Variants in GRIK2 observed in about 807,000 individuals in gnomAD.
The protein encoded by GRIK2 is glutamate ionotropic receptor kainate type subunit 2.
A neutral mutation model predicts 100.3 loss-of-function variants in GRIK2; 32 were observed. The observed-to-expected ratio is 0.32, with a 90% CI of 0.24 to 0.43. The LOEUF is 0.43. Among genes scored for constraint, GRIK2 ranks in the 20% least tolerant of loss-of-function variants. The pLI is 1.00. For missense variants in GRIK2, 843 were observed against 1,114.9 expected, an observed-to-expected ratio of 0.76 and a Z score of 3.47; for synonymous variants, 417 against 389.4, an observed-to-expected ratio of 1.07 and a Z score of -0.83.
At chr6:101,819,700 T>A (rs1405720233) in intron 10 of GRIK2, among the ~76,000 whole-genome samples, 1 of 152,202 alleles carries the variant, frequency 6.6e-6, no homozygotes, top group Non-Finnish European at 1.5e-5. Context: ...CATGCCACTA[T>A]GTTCTGGATC....
intron 14 of GRIK2, among the ~76,000 whole-genome samples, chr6:101,988,161 G>A (rs6936827): frequency 0.12 from 16,886 of 141,746 alleles, 2,777 homozygotes; most frequent in African/African-American, 0.37. Flanking sequence ...GCGCGTGCGC[G>A]CACATGCAAG....
intron 14 of GRIK2, among the ~76,000 whole-genome samples, chr6:101,948,629 A>G (rs1009717733): frequency 1.3e-5 from 2 of 151,454 alleles, no homozygotes; most frequent in African/African-American, 4.8e-5. Flanking sequence ...ATAAAATGTT[A>G]AAAGGTTTTT....
At chr6:101,400,716 T>G (rs183853792) in intron 2 of GRIK2, among the ~76,000 whole-genome samples, 2 of 152,314 alleles carry the variant, frequency 1.3e-5, no homozygotes, top group Admixed American at 1.3e-4. Context: ...CTCCTAGGCT[T>G]TGTAGAACAA....
chr6:101,727,496 G>T (rs111392296), intron 7 of GRIK2, among the ~76,000 whole-genome samples: 237 of 152,174 alleles, frequency 1.6e-3, no homozygotes, highest in Middle Eastern at 3.4e-3. Flanking sequence ...CTGTGCTGCT[G>T]GTCAACTTCC....
rs1779869884 is a variant in GRIK2, at chr6:101,791,672, A to G, written c.952-7976A>G. Among the ~76,000 whole-genome samples the G allele has an allele frequency of 2.0e-5, 3 of 152,066 alleles. No individual in the cohort carries two copies. The South Asian group carries it at 6.2e-4, about 32-fold the overall frequency. On this transcript the variant is annotated intron_variant, in intron 7 of 16. Transcript: ENST00000369134. ...ATAGGTGTGGTGTGGTGCTGAAAAA[A>G]TGTATATTCTGTTGATTTGGGGTGG...
rs1455900541 is a variant in GRIK2, at chr6:101,396,242, T to C, written c.-294+2405T>C. On this transcript the variant is annotated intron_variant, in intron 1 of 16. Transcript: ENST00000369134. ...TAGTATAGGGATGTAAATTTAGCAT[T>C]CCCCCCCCCCCCAGGAAGTGAGTGA... 6.8e-5 allele frequency among the ~76,000 whole-genome samples: 9 copies of C among 132,340 alleles called. No homozygotes were observed. In the South Asian group the frequency reaches 1.6e-3, roughly 23 times the overall value. 86.8% of individuals were successfully genotyped at this position (132,340 alleles called of 152,430 possible).
At chr6:101,478,725 C>T (rs942508904) in intron 2 of GRIK2, among the ~76,000 whole-genome samples, 3 of 151,634 alleles carry the variant, frequency 2.0e-5, no homozygotes, top group African/African-American at 7.3e-5. Context: ...GGGGTTTCAC[C>T]GTGTTAGCCA....
chr6:101,974,735 C>G (rs775061711), intron 14 of GRIK2, among the ~76,000 whole-genome samples: 1 of 151,908 alleles, frequency 6.6e-6, no homozygotes, highest in Non-Finnish European at 1.5e-5. Flanking sequence ...GCCACACATA[C>G]AAAATAGCTT....
chr6:101,578,195 C>G (rs867872058), intron 2 of GRIK2, among the ~76,000 whole-genome samples: 1 of 152,168 alleles, frequency 6.6e-6, no homozygotes, highest in Non-Finnish European at 1.5e-5. Context: ...TAAATGCTCT[C>G]CATTCCCTCT....
chr6:101,709,699 C>T (rs1773571354), intron 7 of GRIK2, among the ~76,000 whole-genome samples: 1 of 151,804 alleles, frequency 6.6e-6, no homozygotes, highest in Non-Finnish European at 1.5e-5. Context: ...AGATAGGTGT[C>T]ATCCTCCCAG....
At chr6:101,508,922 G>A (rs554606579) in intron 2 of GRIK2, among the ~76,000 whole-genome samples, 10 of 152,222 alleles carry the variant, frequency 6.6e-5, no homozygotes, top group South Asian at 4.1e-4. Flanking sequence ...TCGGGAGGCC[G>A]AGGTGGGTGG....
intron 7 of GRIK2, among the ~76,000 whole-genome samples, chr6:101,793,806 C>A (rs1387201880): frequency 1.3e-5 from 2 of 152,120 alleles, no homozygotes; most frequent in Non-Finnish European, 2.9e-5. Flanking sequence ...GTGCCCTGCC[C>A]CCAGAGGTGG....
At chr6:101,876,668 C>T (rs1785872392) in intron 11 of GRIK2, among the ~76,000 whole-genome samples, 2 of 151,830 alleles carry the variant, frequency 1.3e-5, no homozygotes, top group South Asian at 4.1e-4. Context: ...CCTGGTGAGA[C>T]CCTTTGTTAA....
rs149519183 is a variant in GRIK2 at position 101,487,318 on chromosome 6, C to T, written c.115+87926C>T. On this transcript the variant is annotated intron_variant, in intron 2 of 16. Transcript: ENST00000369134. ...TAAAAGTTCAAAGACACTGACCATTCTAGGACGGCTGCTTCTCACCAGCCT... is the reference window on the plus strand; with the variant it reads ...TAAAAGTTCAAAGACACTGACCATTTTAGGACGGCTGCTTCTCACCAGCCT... Among the ~76,000 whole-genome samples, 88 of 146,330 alleles carry T rather than the reference C, an allele frequency of 6.0e-4. 9 individuals carry two copies. The Middle Eastern group carries it at 0.028, about 47-fold the overall frequency.
chr6:101,420,483 A>G (rs901738650), intron 2 of GRIK2, among the ~76,000 whole-genome samples: 1 of 152,204 alleles, frequency 6.6e-6, no homozygotes, highest in Non-Finnish European at 1.5e-5. Flanking sequence ...AGTTCTTAAA[A>G]TGTGGCCTCT....
At chr6:101,682,875 T>C (rs563762215) in intron 6 of GRIK2, among the ~76,000 whole-genome samples, 1 of 152,266 alleles carries the variant, frequency 6.6e-6, no homozygotes, top group Admixed American at 6.5e-5. Context: ...TAATGGATCT[T>C]GAAATTAGTT....
chr6:101,471,330 A>C lies in GRIK2; in HGVS notation c.115+71938A>C, dbSNP rs975351060. Among the ~76,000 whole-genome samples the C allele has an allele frequency of 3.9e-5, 6 of 152,190 alleles. No homozygotes were observed. The South Asian group carries it at 1.0e-3, about 26-fold the overall frequency. On this transcript the variant is annotated intron_variant, in intron 2 of 16. Transcript: ENST00000369134. ...AATTTTAAGAAAATGCTATTGGGTC[A>C]ATAATTTAGTGTGTTTGATCAATGT... is the stretch of plus-strand genomic sequence containing the variant.
At chr6:101,784,724 G>T (rs1174543883) in intron 7 of GRIK2, among the ~76,000 whole-genome samples, 1 of 152,074 alleles carries the variant, frequency 6.6e-6, no homozygotes, top group Non-Finnish European at 1.5e-5. Context: ...AGTTTTCCCT[G>T]CTATCCCTCT....
chr6:101,512,162 C>A (rs531440381), intron 2 of GRIK2, among the ~76,000 whole-genome samples: 1 of 150,908 alleles, frequency 6.6e-6, no homozygotes, highest in African/African-American at 2.4e-5. Flanking sequence ...ATATTATATG[C>A]ATTATAAAAT....
Sources: allele counts gnomAD v4.1 joint callset (sites outside exome capture counted in the v4.1 genomes callset), GRCh38; gene constraint gnomAD v4.1.1; transcripts MANE v1.5; gene names NCBI Gene and HGNC (gene_info 2026-07-23, HGNC 2026-07-21).